Variants in FAM222A observed in about 807,000 individuals in gnomAD.
FAM222A encodes protein FAM222A.
A neutral mutation model predicts 25.8 loss-of-function variants in FAM222A; 7 were observed. The observed-to-expected ratio is 0.27, with a 90% CI of 0.15 to 0.51. FAM222A has a LOEUF of 0.51. Among genes scored for constraint, FAM222A ranks in the 20% least tolerant of loss-of-function variants. The pLI is 0.97. For missense variants in FAM222A, 573 were observed against 640.5 expected (o/e 0.89, Z 1.14); for synonymous variants, 294 against 298.8 (o/e 0.98, Z 0.17).
intron 2 of FAM222A, among the ~76,000 whole-genome samples, chr12:109,761,481 C>T (rs1046757060): frequency 6.6e-6 from 1 of 152,230 alleles, no homozygotes; most frequent in Non-Finnish European, 1.5e-5. Context: ...AATCCCCCTG[C>T]CATCCCATAA....
At chr12:109,718,686 C>G (rs1328841978) in intron 1 of FAM222A, among the ~76,000 whole-genome samples, 1 of 152,214 alleles carries the variant, frequency 6.6e-6, no homozygotes, top group African/African-American at 2.4e-5. Context: ...GCTGCGGTGC[C>G]GGCCGGTCAC....
intron 2 of FAM222A, among the ~76,000 whole-genome samples, chr12:109,766,667 A>T (rs912528409): frequency 6.6e-6 from 1 of 152,246 alleles, no homozygotes. Flanking sequence ...AATGTCCCCC[A>T]GAGTGGTGAC....
chr12:109,757,086 G>C (rs895494617), intron 2 of FAM222A, among the ~76,000 whole-genome samples: 2 of 152,106 alleles, frequency 1.3e-5, no homozygotes, highest in African/African-American at 4.8e-5. Flanking sequence ...CTAGGAATTT[G>C]TCCATTTCCT....
chr12:109,720,874 C>A (rs1241024605), intron 1 of FAM222A, among the ~76,000 whole-genome samples: 1 of 152,316 alleles, frequency 6.6e-6, no homozygotes, highest in African/African-American at 2.4e-5. Context: ...GGGGGCACAG[C>A]AGTGAACAAG....
At position 109,768,339 on chromosome 12, in the gene FAM222A, C is replaced by T; in HGVS notation, c.410C>T (p.Ser137Leu). 2 of 1,596,188 alleles carry T rather than the reference C, an allele frequency of 1.3e-6. No homozygotes were observed. Among genetic ancestry groups the T allele is most frequent in the Non-Finnish European group, 8.5e-7 (1 of 1,174,060 alleles). Residue 137 changes from serine to leucine, a missense_variant, in exon 3 of 3, where the codon TCA becomes TTA. Around this residue, in one of 3 missense-constraint regions of FAM222A, gnomAD observed 412 missense variants for 407.0 expected, o/e 1.01. Coordinates refer to ENST00000538780, the MANE Select transcript of FAM222A (RefSeq NM_032829.3). ...KSAEGKRTKLSPAAVQVGIAP... is the reference protein window; with the variant it reads ...KSAEGKRTKLLPAAVQVGIAP... Reference sequence around the variant, plus strand: ...GCCGAGGGCAAGCGGACCAAGCTGTCACCGGCCGCCGTGCAGGTGGGCATT... The same window carrying T: ...GCCGAGGGCAAGCGGACCAAGCTGTTACCGGCCGCCGTGCAGGTGGGCATT...
In FAM222A at chr12:109,733,216, A is replaced by C. The variant is rs116414100; in HGVS notation, c.-46-10885A>C. ...AGTCTGAACTGAACTGAGATGTAAA[A>C]TCCATCCCAGGTTTCAAAGACTTAG... is the stretch of plus-strand genomic sequence containing the variant. On this transcript the variant is annotated intron_variant, in intron 1 of 2. Coordinates refer to ENST00000538780, the MANE Select transcript of FAM222A (RefSeq NM_032829.3). Among the ~76,000 whole-genome samples, 74 of 152,322 alleles carry C rather than the reference A, an allele frequency of 4.9e-4. 1 individual carries two copies. Among genetic ancestry groups the C allele is most frequent in the Middle Eastern group, 6.8e-3 (2 of 294 alleles).
rs763348389 is a variant in FAM222A at position 109,768,877 on chromosome 12, C to T, written c.948C>T (p.Cys316=). 7.6e-6 allele frequency: 12 copies of T among 1,581,280 alleles called. No homozygotes were observed. Among genetic ancestry groups the T allele is most frequent in the East Asian group, 2.3e-5 (1 of 43,660 alleles). The change falls in exon 3 of 3, where the codon TGC becomes TGT. Residue 316 remains cysteine (C), a synonymous_variant. Coordinates refer to ENST00000538780, the MANE Select transcript of FAM222A (RefSeq NM_032829.3). Reference sequence around the variant, plus strand: ...TGGCCAGCAAGTCCCCTGAGGCTTGCGGGGGCCGGGCATACGAGCGGGCCA... The same window carrying T: ...TGGCCAGCAAGTCCCCTGAGGCTTGTGGGGGCCGGGCATACGAGCGGGCCA... ...STVASKSPEA[C]GGRAYERASG...
intron 1 of FAM222A, among the ~76,000 whole-genome samples, chr12:109,726,515 C>G (rs1592779333): frequency 6.6e-6 from 1 of 152,356 alleles, no homozygotes; most frequent in South Asian, 2.1e-4. Flanking sequence ...TCCTCCCGCA[C>G]CCACCCCGGG....
At chr12:109,758,040 T>G (rs1175759183) in intron 2 of FAM222A, among the ~76,000 whole-genome samples, 1 of 151,974 alleles carries the variant, frequency 6.6e-6, no homozygotes, top group Admixed American at 6.6e-5. Flanking sequence ...TGGAGAGGGA[T>G]TAAAGTGTCC....
At chr12:109,718,779 G>A (rs1887696826) in intron 1 of FAM222A, among the ~76,000 whole-genome samples, 1 of 152,238 alleles carries the variant, frequency 6.6e-6, no homozygotes, top group Non-Finnish European at 1.5e-5. Flanking sequence ...GAAGGATGTC[G>A]ACTATAATTA....
chr12:109,749,128 T>TG (rs2136354970), intron 2 of FAM222A, among the ~76,000 whole-genome samples: 1 of 152,298 alleles, frequency 6.6e-6, no homozygotes, highest in South Asian at 2.1e-4. Context: ...TGTTTCGAGA[T>TG]GGAGTTTCGC....
chr12:109,738,949 C>A (rs1888157786), intron 1 of FAM222A, among the ~76,000 whole-genome samples: 1 of 152,248 alleles, frequency 6.6e-6, no homozygotes, highest in Non-Finnish European at 1.5e-5. Flanking sequence ...CCCTGCCTGG[C>A]AGGTACAACC....
In FAM222A at chr12:109,714,547, G is replaced by A. The variant is rs1295955175; in HGVS notation, c.-397G>A. The A allele has an allele frequency of 1.3e-5, 2 of 151,786 alleles. No homozygotes were observed. The highest frequency in any genetic ancestry group is 2.9e-5 in the Non-Finnish European group (2 of 67,906). The allele number at this position is 151,786 out of a possible 1,614,324, so 9.4% of individuals were successfully genotyped here. A position where few individuals can be genotyped will look rare whatever the true frequency, so the allele number is the denominator to read the frequency against. On this transcript the variant is annotated 5_prime_UTR_variant, in exon 1 of 3. Transcript: ENST00000538780. The surrounding 1 kb of genome is among the most constrained non-coding windows in gnomAD (Gnocchi z 4.2). Reference sequence around the variant, plus strand: ...AGAGGGCGCCCTGGGAGCGGCGCGGGCCGAGCTGCAGCCTTGAGCGGGGCC... The same window carrying A: ...AGAGGGCGCCCTGGGAGCGGCGCGGACCGAGCTGCAGCCTTGAGCGGGGCC...
intron 1 of FAM222A, among the ~76,000 whole-genome samples, chr12:109,720,977 C>G (rs1009480072): frequency 2.6e-5 from 4 of 152,130 alleles, no homozygotes; most frequent in African/African-American, 9.7e-5. Flanking sequence ...CCAGGGAGGG[C>G]TCCCTGGAGG....
In FAM222A at chr12:109,769,059, C is replaced by A; in HGVS notation, c.1130C>A (p.Ala377Asp). 1 of 1,593,026 alleles carries A rather than the reference C, an allele frequency of 6.3e-7. No homozygotes were observed. Among genetic ancestry groups the A allele is most frequent in the South Asian group, 1.1e-5 (1 of 88,776 alleles). ...GTCACGGAGCTGGGGCCGGGGGCAG[C>A]CCGGGAGCTGGCTGGGCCCCCTGCA... ...VVVTELGPGA[A>D]RELAGPPADA... Residue 377 changes from alanine to aspartate, a missense_variant, in exon 3 of 3, where the codon GCC becomes GAC. Coordinates refer to ENST00000538780, the MANE Select transcript of FAM222A (RefSeq NM_032829.3).
chr12:109,735,784 T>TTCAGTA (rs1312916958), intron 1 of FAM222A: 1 of 152,214 alleles, frequency 6.6e-6, no homozygotes, highest in Non-Finnish European at 1.5e-5. Context: ...ACTGAAGCTG[T>TTCAGTA]TCAGTATCGA....
chr12:109,729,304 T>C (rs940779848), intron 1 of FAM222A, among the ~76,000 whole-genome samples: 2 of 152,188 alleles, frequency 1.3e-5, no homozygotes, highest in African/African-American at 2.4e-5. Flanking sequence ...GAAAAAAAGG[T>C]GTGGGCTGAT....
At chr12:109,724,891 G>A (rs956133503) in intron 1 of FAM222A, among the ~76,000 whole-genome samples, 11 of 152,174 alleles carry the variant, frequency 7.2e-5, no homozygotes, top group Non-Finnish European at 1.2e-4. Flanking sequence ...AGGGCTTTCC[G>A]GAGAGGAAAT....
intron 1 of FAM222A, among the ~76,000 whole-genome samples, chr12:109,724,275 A>G (rs1309153466): frequency 1.3e-5 from 2 of 152,240 alleles, no homozygotes; most frequent in South Asian, 2.1e-4. Context: ...GACACTATGC[A>G]TGGCCTGTGA....
Sources: allele counts gnomAD v4.1 joint callset (sites outside exome capture counted in the v4.1 genomes callset), GRCh38; gene constraint gnomAD v4.1.1; regional missense constraint gnomAD v4.1.1; non-coding constraint Gnocchi (gnomAD v3.1); transcripts MANE v1.5; gene names NCBI Gene and HGNC (gene_info 2026-07-23, HGNC 2026-07-21).